Variants in CFAP20DC observed in about 807,000 individuals in gnomAD.
The protein encoded by CFAP20DC is CFAP20 domain containing, also known as protein CFAP20DC.
CFAP20DC carries 84 observed loss-of-function variants against 101.7 expected under a neutral mutation model. The observed-to-expected ratio is 0.83, with a 90% CI of 0.69 to 0.99. The LOEUF (loss-of-function observed/expected upper bound fraction) is 0.99. Ranked by LOEUF, CFAP20DC falls within the 50% of genes least tolerant of loss-of-function variation. The pLI is 0.00. For missense variants in CFAP20DC, 1,007 were observed against 970.3 expected, an observed-to-expected ratio of 1.04 and a Z score of -0.50; for synonymous variants, 359 against 351.2, an observed-to-expected ratio of 1.02 and a Z score of -0.25.
At chr3:58,809,855 A>G (rs1036370865) in intron 14 of CFAP20DC, among the ~76,000 whole-genome samples, 1 of 152,172 alleles carries the variant, frequency 6.6e-6, no homozygotes, top group Non-Finnish European at 1.5e-5. Flanking sequence ...ACACAATAAA[A>G]AATGATAAAG....
intron 5 of CFAP20DC, among the ~76,000 whole-genome samples, chr3:58,935,091 C>CAA (rs1183941931): frequency 6.6e-5 from 10 of 152,282 alleles, no homozygotes; most frequent in Non-Finnish European, 4.4e-5. Flanking sequence ...GATACAAAAT[C>CAA]AATGTGCAAA....
intron 16 of CFAP20DC, among the ~76,000 whole-genome samples, chr3:58,748,412 C>T (rs926552112): frequency 6.6e-5 from 10 of 152,146 alleles, no homozygotes; most frequent in Admixed American, 2.6e-4. Context: ...GCCTCAGACA[C>T]CTGCAATGTG....
intron 14 of CFAP20DC, among the ~76,000 whole-genome samples, chr3:58,821,180 C>G (rs1275758817): frequency 1.3e-5 from 2 of 152,014 alleles, no homozygotes; most frequent in Non-Finnish European, 2.9e-5. Flanking sequence ...AGACCTAAAA[C>G]CATAAAAACC....
intron 13 of CFAP20DC, among the ~76,000 whole-genome samples, chr3:58,842,998 C>T (rs1193593036): frequency 1.3e-5 from 2 of 152,130 alleles, no homozygotes; most frequent in African/African-American, 2.4e-5. Flanking sequence ...ACATCCACAC[C>T]GAAAACCCAT....
rs1293073992 is a variant in CFAP20DC at position 58,924,279 on chromosome 3, A to G, written c.394-10415T>C. ...TAGCCAGTGTCTATTGTTTCTCTCC[A>G]TATGTACATGTGTATCCATTGTTTA... On this transcript the variant is annotated intron_variant, in intron 5 of 16. Transcript: ENST00000482387. Among the ~76,000 whole-genome samples, 3 of 152,016 alleles carry G rather than the reference A, an allele frequency of 2.0e-5. No individual in the cohort carries two copies. In the South Asian group the frequency reaches 6.2e-4, roughly 32 times the overall value.
At chr3:58,941,620 G>A (rs1260951856) in intron 4 of CFAP20DC, among the ~76,000 whole-genome samples, 2 of 151,714 alleles carry the variant, frequency 1.3e-5, no homozygotes, top group East Asian at 2.0e-4. Flanking sequence ...CCAGGCTGGA[G>A]TGCAGTGGCA....
intron 4 of CFAP20DC, among the ~76,000 whole-genome samples, chr3:59,012,322 T>A (rs940911558): frequency 5.9e-5 from 9 of 152,226 alleles, no homozygotes; most frequent in Non-Finnish European, 1.0e-4. Flanking sequence ...TGTGATAGTT[T>A]CCGGATCCTA....
At chr3:58,852,219 T>C (rs1055545281) in intron 12 of CFAP20DC, among the ~76,000 whole-genome samples, 2 of 152,126 alleles carry the variant, frequency 1.3e-5, no homozygotes, top group Non-Finnish European at 2.9e-5. Context: ...TTCAGGATCT[T>C]GATCCCACTT....
chr3:58,930,255 C>CCT (rs1470802837), intron 5 of CFAP20DC, among the ~76,000 whole-genome samples: 3 of 152,186 alleles, frequency 2.0e-5, no homozygotes, highest in Non-Finnish European at 4.4e-5. Context: ...CCCCCACAGT[C>CCT]CTCACTAACC....
intron 12 of CFAP20DC, among the ~76,000 whole-genome samples, chr3:58,852,909 A>G (rs2078387775): frequency 6.6e-6 from 1 of 151,824 alleles, no homozygotes; most frequent in East Asian, 1.9e-4. Context: ...ACACCCTAAC[A>G]TCACAATTAA....
At chr3:58,996,824 T>C (rs2093149744) in intron 4 of CFAP20DC, among the ~76,000 whole-genome samples, 1 of 152,246 alleles carries the variant, frequency 6.6e-6, no homozygotes, top group African/African-American at 2.4e-5. Context: ...TTCTAGGTAA[T>C]TCTAGATGCT....
Position 59,001,308 on chromosome 3 carries a change from C to T in CFAP20DC, c.278+38249G>A, listed in dbSNP as rs1352735282. 6.6e-6 allele frequency among the ~76,000 whole-genome samples: 1 copy of T among 152,136 alleles called. No homozygotes were observed. The highest frequency in any genetic ancestry group is 1.5e-5 in the Non-Finnish European group (1 of 68,014). ...ACTGCCTCTATAGGACTGTATAGAT[C>T]ACCAAGAAGGCATACCACTAGAGGA... On this transcript the variant is annotated intron_variant, in intron 4 of 16. Transcript: ENST00000482387. This position sits in a 1 kb window ranked among gnomAD's most constrained non-coding sequence, Gnocchi z 4.5.
intron 15 of CFAP20DC, among the ~76,000 whole-genome samples, chr3:58,796,998 A>G (rs965739170): frequency 2.0e-5 from 3 of 152,166 alleles, no homozygotes; most frequent in Admixed American, 1.3e-4. Flanking sequence ...ATTCCACTTG[A>G]TCAACCATTC....
intron 14 of CFAP20DC, among the ~76,000 whole-genome samples, chr3:58,813,344 A>G (rs1391117945): frequency 6.6e-6 from 1 of 151,986 alleles, no homozygotes; most frequent in East Asian, 1.9e-4. Flanking sequence ...CTCTTTTTGA[A>G]CATCAGCTCT....
At position 58,937,723 on chromosome 3, in the gene CFAP20DC, T is replaced by A; in HGVS notation, c.318A>T (p.Leu106Phe). 1 of 1,611,484 alleles carries A rather than the reference T, an allele frequency of 6.2e-7. No homozygotes were observed. ...AGGATAGTTCCTTATGGACCGTTGATAAATATAATCTTCTTTTGATGTTCC... is the reference window on the plus strand; with the variant it reads ...AGGATAGTTCCTTATGGACCGTTGAAAAATATAATCTTCTTTTGATGTTCC... ...DLGNIKRRLY[L>F]STVHKELSST... The change falls in exon 5 of 17, where the codon TTA (leucine) becomes TTT (phenylalanine). Residue 106 changes from leucine (L) to phenylalanine (F), a missense_variant. Leu to Phe is a conservative substitution (Grantham distance 22). Transcript: ENST00000482387.
At chr3:58,789,445 T>C (rs2072664952) in intron 15 of CFAP20DC, among the ~76,000 whole-genome samples, 2 of 152,210 alleles carry the variant, frequency 1.3e-5, no homozygotes, top group Non-Finnish European at 2.9e-5. Flanking sequence ...ATTTATGTAC[T>C]GATTTCCATT....
intron 4 of CFAP20DC, among the ~76,000 whole-genome samples, chr3:58,972,255 A>G (rs1427965344): frequency 6.6e-6 from 1 of 152,206 alleles, no homozygotes; most frequent in East Asian, 1.9e-4. Flanking sequence ...CTTCAAGGTT[A>G]GAACACAACA....
intron 4 of CFAP20DC, among the ~76,000 whole-genome samples, chr3:59,026,405 T>A (rs990976686): frequency 3.9e-5 from 6 of 152,168 alleles, no homozygotes; most frequent in African/African-American, 1.4e-4. Flanking sequence ...TGCATTTGGT[T>A]AACATCTCTT....
chr3:58,739,424 C>G (rs2067831945), downstream of CFAP20DC, among the ~76,000 whole-genome samples: 1 of 152,088 alleles, frequency 6.6e-6, no homozygotes, highest in African/African-American at 2.4e-5. Context: ...TTTTTTTAGT[C>G]TCCATTTGCA....
Sources: gnomAD v4.1 joint callset for allele counts (sites outside exome capture counted in the v4.1 genomes callset) on GRCh38, gnomAD v4.1.1 for gene constraint, Gnocchi (gnomAD v3.1) non-coding constraint, MANE v1.5 for transcripts, NCBI Gene and HGNC (gene_info 2026-07-23, HGNC 2026-07-21) for gene names.